TENM4: variants seen among roughly 807,000 people sequenced by gnomAD.
The protein encoded by TENM4 is teneurin-4.
TENM4 carries 82 observed loss-of-function variants against 243.3 expected under a neutral mutation model. The ratio of observed to expected loss-of-function variants is 0.34; its 90% CI spans 0.28 to 0.40. The LOEUF (loss-of-function observed/expected upper bound fraction) is 0.40. Among genes scored for constraint, TENM4 ranks in the 10% least tolerant of loss-of-function variants. TENM4 has a pLI of 1.00. For synonymous variants in TENM4, 1,412 were observed against 1,456.3 expected (o/e 0.97, Z 0.69); for missense variants, 3,138 against 3,673.3 (o/e 0.85, Z 3.77).
chr11:79,148,239 A>G (rs1862430316), intron 4 of TENM4, among the ~76,000 whole-genome samples: 1 of 152,150 alleles, frequency 6.6e-6, no homozygotes, highest in Admixed American at 6.6e-5. Flanking sequence ...GAGGAGGGAC[A>G]TGCTGTTTAC....
intron 2 of TENM4, among the ~76,000 whole-genome samples, chr11:79,226,356 C>G (rs1218075880): frequency 6.6e-6 from 1 of 152,220 alleles, no homozygotes; most frequent in Non-Finnish European, 1.5e-5. Context: ...GCAAGGGCTC[C>G]CAGCTAGCAG....
chr11:78,852,736 A>AG (rs1245992682), intron 12 of TENM4, among the ~76,000 whole-genome samples: 8 of 152,096 alleles, frequency 5.3e-5, no homozygotes, highest in African/African-American at 1.9e-4. Flanking sequence ...ACCTAGTACC[A>AG]GATTCAGAGA....
intron 16 of TENM4, among the ~76,000 whole-genome samples, chr11:78,785,055 G>GTT (rs113286775): frequency 2.5e-5 from 2 of 80,254 alleles, no homozygotes; most frequent in African/African-American, 5.6e-5. Flanking sequence ...TTCTGTTTTT[G>GTT]TTTTTTTTTT....
chr11:79,263,129 A>C (rs1855826826), intron 2 of TENM4, among the ~76,000 whole-genome samples: 1 of 152,204 alleles, frequency 6.6e-6, no homozygotes, highest in South Asian at 2.1e-4. Flanking sequence ...AACCCAATGC[A>C]TGGAGGCAGG....
chr11:79,003,772 T>C (rs1425180862), intron 6 of TENM4, among the ~76,000 whole-genome samples: 1 of 152,046 alleles, frequency 6.6e-6, no homozygotes, highest in Non-Finnish European at 1.5e-5. Flanking sequence ...CACTATAAAG[T>C]GACAACACAA....
At chr11:79,359,823 A>AGCTCTGGGCCAGACAGGGAT (rs370874749) in intron 1 of TENM4, among the ~76,000 whole-genome samples, 2 of 152,132 alleles carry the variant, frequency 1.3e-5, no homozygotes, top group Non-Finnish European at 2.9e-5. Context: ...ATCCCCAGAG[A>AGCTCTGGGCCAGACAGGGAT]GCTCTGGGCC....
At chr11:78,956,337 C>G (rs939773375) in intron 6 of TENM4, among the ~76,000 whole-genome samples, 3 of 151,978 alleles carry the variant, frequency 2.0e-5, no homozygotes, top group African/African-American at 7.3e-5. Context: ...AAAGGGGGCC[C>G]GACAGCAGAC....
At chr11:79,192,208 C>T (rs61882116) in intron 3 of TENM4, among the ~76,000 whole-genome samples, 2 of 150,596 alleles carry the variant, frequency 1.3e-5, no homozygotes, top group African/African-American at 4.9e-5. Context: ...TCTGCCCGGC[C>T]GCCCCTACTG....
rs747291762 is a variant in TENM4, at chr11:78,658,237, G to T, written c.8131C>A (p.Arg2711=). ...QAWAREQQRL[R]EGEEGLRAWT... ...GCCCGCAGGCCTTCCTCCCCTTCCC[G>T]CAGTCTCTGCTGCTCGCGGGCCCAC... is the stretch of plus-strand genomic sequence containing the variant. Residue 2711 remains arginine, a synonymous_variant, in exon 34 of 34, where the codon CGG becomes AGG. Transcript: ENST00000278550. 2.5e-6 allele frequency: 4 copies of T among 1,613,772 alleles called. No homozygotes were observed. The highest frequency in any genetic ancestry group is 1.3e-5 in the African/African-American group (1 of 75,028).
At chr11:79,300,497 T>C (rs998424806) in intron 1 of TENM4, among the ~76,000 whole-genome samples, 3 of 152,240 alleles carry the variant, frequency 2.0e-5, no homozygotes, top group Non-Finnish European at 4.4e-5. Context: ...ATGCTTATAC[T>C]GTATTGCTTA....
chr11:78,925,630 T>C (rs1472307174), intron 6 of TENM4, among the ~76,000 whole-genome samples: 2 of 152,114 alleles, frequency 1.3e-5, no homozygotes, highest in African/African-American at 4.8e-5. Flanking sequence ...TTAAAAACTG[T>C]TTCCATATGG....
chr11:79,033,742 G>A (rs73504648), intron 6 of TENM4, among the ~76,000 whole-genome samples: 7,856 of 152,202 alleles, frequency 0.052, 671 homozygotes, highest in African/African-American at 0.18. Flanking sequence ...TGCTATCAGA[G>A]CACTAGAAAT....
chr11:79,165,221 A>G (rs1478351733), intron 3 of TENM4, among the ~76,000 whole-genome samples: 1 of 151,904 alleles, frequency 6.6e-6, no homozygotes, highest in Non-Finnish European at 1.5e-5. Flanking sequence ...TCTCCACACT[A>G]TTTTCCATAG....
At chr11:78,718,872 A>T (rs796698957) in intron 25 of TENM4, among the ~76,000 whole-genome samples, 7 of 152,288 alleles carry the variant, frequency 4.6e-5, no homozygotes, top group African/African-American at 1.7e-4. Context: ...TTAATCAATA[A>T]ATAATCACAT....
chr11:79,383,635 A>G (rs1761719391), intron 1 of TENM4, among the ~76,000 whole-genome samples: 2 of 152,152 alleles, frequency 1.3e-5, no homozygotes, highest in Admixed American at 6.5e-5. Context: ...GCTGTGGGCC[A>G]GGGAGGGTGC....
chr11:78,851,367 A>C (rs1858534186), intron 12 of TENM4, among the ~76,000 whole-genome samples: 1 of 152,230 alleles, frequency 6.6e-6, no homozygotes, highest in Non-Finnish European at 1.5e-5. Flanking sequence ...AGGGAAAAGA[A>C]GACCGTCTCC....
rs191010343 is a variant in TENM4 at position 78,938,865 on chromosome 11, T to C, written c.494-35342A>G. Among the ~76,000 whole-genome samples the C allele has an allele frequency of 3.9e-5, 6 of 152,324 alleles. No individual in the cohort carries two copies. The East Asian group carries it at 9.6e-4, about 24-fold the overall frequency. On this transcript the variant is annotated intron_variant, in intron 6 of 33. Coordinates refer to ENST00000278550, the MANE Select transcript of TENM4 (RefSeq NM_001098816.3). ...AACAAGCTTGGAGTATAAGCACTTATAGCATGGTCACACAAGACTTTCCTT... is the reference window on the plus strand; with the variant it reads ...AACAAGCTTGGAGTATAAGCACTTACAGCATGGTCACACAAGACTTTCCTT...
intron 27 of TENM4, among the ~76,000 whole-genome samples, chr11:78,703,718 C>T (rs1032933116): frequency 1.3e-5 from 2 of 152,016 alleles, no homozygotes; most frequent in Non-Finnish European, 2.9e-5. Context: ...CCGACAGGTG[C>T]ACCCTACTGC....
intron 12 of TENM4, among the ~76,000 whole-genome samples, chr11:78,815,610 T>A (rs1212269378): frequency 6.6e-6 from 1 of 152,186 alleles, no homozygotes; most frequent in African/African-American, 2.4e-5. Context: ...AAACCTATTA[T>A]CCAGAATGTG....
Sources: gnomAD v4.1 joint callset for allele counts (sites outside exome capture counted in the v4.1 genomes callset) on GRCh38, gnomAD v4.1.1 for gene constraint, MANE v1.5 for transcripts, NCBI Gene and HGNC (gene_info 2026-07-23, HGNC 2026-07-21) for gene names.